The following AFF2 variants were observed in gnomAD, a reference collection of about 807,000 sequenced individuals.
The protein encoded by AFF2 is AF4/FMR2 family member 2.
AFF2 carries 14 observed loss-of-function variants against 76.9 expected under a neutral mutation model. That is an observed-to-expected ratio of 0.18 (90% CI 0.12 to 0.28). The LOEUF is 0.28. Ranked by LOEUF, AFF2 falls within the 10% of genes least tolerant of loss-of-function variation. AFF2 has a pLI of 1.00. For missense variants in AFF2, 868 were observed against 1,001.1 expected, an observed-to-expected ratio of 0.87 and a Z score of 1.79; for synonymous variants, 398 against 366.7, an observed-to-expected ratio of 1.09 and a Z score of -0.98.
In AFF2 at chrX:148,976,044, G is replaced by A. The variant is rs1267130863; in HGVS notation, c.3405-1889G>A. Among the ~76,000 whole-genome samples the A allele has an allele frequency of 2.8e-5, 3 of 105,612 alleles. No homozygotes were observed. The East Asian group carries it at 9.0e-4, about 32-fold the overall frequency. The allele number at this position is 105,612 out of a possible 115,157, so 91.7% of individuals were successfully genotyped here. The stretch of plus-strand genomic sequence containing the variant: ...AAGTAATTTTCTTTTAATTATTCAC[G>A]AAAAAGTTATTTAGGGAAAAAAACA... On this transcript the variant is annotated intron_variant, in intron 16 of 20. Transcript: ENST00000370460.
chrX:148,662,288 C>G lies in AFF2; in HGVS notation c.561C>G (p.Asp187Glu). The G allele has an allele frequency of 8.3e-7, 1 of 1,211,750 alleles. No individual in the cohort carries two copies. Among genetic ancestry groups the G allele is most frequent in the African/African-American group, 1.7e-5 (1 of 57,750 alleles). Reference protein sequence around the residue: ...QPNKMQTLTQDQSQAKLEDFF... With the variant: ...QPNKMQTLTQEQSQAKLEDFF... Reference sequence around the variant, plus strand: ...ACAAGATGCAGACTTTGACACAGGACCAGTCTCAAGCCAAACTGGAAGACT... The same window carrying G: ...ACAAGATGCAGACTTTGACACAGGAGCAGTCTCAAGCCAAACTGGAAGACT... The change falls in exon 3 of 21, where the codon GAC becomes GAG. Residue 187 changes from aspartate (D) to glutamate (E), a missense_variant. Asp to Glu is a conservative substitution (Grantham distance 45). Transcript: ENST00000370460.
At chrX:148,862,082 T>A (rs782533121) in intron 7 of AFF2, among the ~76,000 whole-genome samples, 1 of 111,129 alleles carries the variant, frequency 9.0e-6, no homozygotes, top group Admixed American at 9.6e-5. Flanking sequence ...AAACACTGCA[T>A]ACTCACTGAA....
intron 9 of AFF2, among the ~76,000 whole-genome samples, chrX:148,943,428 T>C (rs1557285821): frequency 8.9e-6 from 1 of 111,976 alleles, no homozygotes; most frequent in Non-Finnish European, 1.9e-5. Context: ...TGAGTCTTAT[T>C]GCTTTCTGAG....
intron 3 of AFF2, among the ~76,000 whole-genome samples, chrX:148,698,335 G>A (rs2054745839): frequency 8.9e-6 from 1 of 112,501 alleles, no homozygotes; most frequent in Non-Finnish European, 1.9e-5. Flanking sequence ...TTTTGATGCT[G>A]TATGCAGTTT....
intron 1 of AFF2, among the ~76,000 whole-genome samples, chrX:148,519,065 A>G (rs2124212381): frequency 8.9e-6 from 1 of 111,757 alleles, no homozygotes; most frequent in East Asian, 2.8e-4. Context: ...TGAGCTCAAC[A>G]ACTCCAGCGT....
At chrX:148,822,964 C>T (rs2070346351) in intron 4 of AFF2, among the ~76,000 whole-genome samples, 1 of 111,352 alleles carries the variant, frequency 9.0e-6, no homozygotes, top group African/African-American at 3.3e-5. Context: ...ATTGAACTCC[C>T]TTACTACTTC....
intron 7 of AFF2, among the ~76,000 whole-genome samples, chrX:148,871,362 G>C (rs16994788): frequency 0.041 from 4,536 of 111,058 alleles, 221 homozygotes; most frequent in African/African-American, 0.13. Flanking sequence ...ACCCGGCCTT[G>C]CGTAGACTCA....
At chrX:148,824,944 AG>A (rs2070370337) in intron 4 of AFF2, among the ~76,000 whole-genome samples, 1 of 110,702 alleles carries the variant, frequency 9.0e-6, no homozygotes, top group Admixed American at 9.6e-5. Flanking sequence ...AGGCTGAGGT[AG>A]GAGGATTGCT....
At position 148,956,378 on chromosome X, in the gene AFF2, T is replaced by A. The variant is rs1338222105; in HGVS notation, c.2333T>A (p.Phe778Tyr). The part of the protein sequence containing the change: ...NLSISNEEPT[F>Y]SPIPVMQTEI... Reference sequence around the variant, plus strand: ...TCCATCAGTAATGAAGAGCCAACATTTTCACCTATTCCTGTCATGCAAACT... The same window carrying A: ...TCCATCAGTAATGAAGAGCCAACATATTCACCTATTCCTGTCATGCAAACT... The change falls in exon 11 of 21, where the codon TTT becomes TAT. Residue 778 changes from phenylalanine to tyrosine, a missense_variant. Coordinates refer to ENST00000370460, the MANE Select transcript of AFF2 (RefSeq NM_002025.4). 1.2e-5 allele frequency: 15 copies of A among 1,209,499 alleles called. No individual in the cohort carries two copies. The highest frequency in any genetic ancestry group is 1.6e-5 in the Non-Finnish European group (14 of 895,099).
At chrX:148,944,536 A>C (rs1404943965) in intron 9 of AFF2, among the ~76,000 whole-genome samples, 6 of 75,679 alleles carry the variant, frequency 7.9e-5, no homozygotes, top group African/African-American at 2.2e-4. Flanking sequence ...AAAGGTACAA[A>C]AATACTTGGC....
chrX:148,799,555 G>GA (rs2124631752), intron 3 of AFF2, among the ~76,000 whole-genome samples: 1 of 111,786 alleles, frequency 8.9e-6, no homozygotes, highest in Admixed American at 9.5e-5. Context: ...GAGAAGAAAA[G>GA]AAAATCACAT....
chrX:148,631,902 A>T (rs1205662033), intron 1 of AFF2, among the ~76,000 whole-genome samples: 1 of 111,966 alleles, frequency 8.9e-6, no homozygotes, highest in Admixed American at 9.5e-5. Context: ...GATATGTGCA[A>T]GGTTGCCAGG....
chrX:148,632,466 C>T (rs1037020099), intron 1 of AFF2, among the ~76,000 whole-genome samples: 7 of 111,611 alleles, frequency 6.3e-5, no homozygotes, highest in Non-Finnish European at 7.5e-5. Context: ...GAGACTGAGG[C>T]AGCCCAAGCA....
chrX:148,713,648 A>AT (rs1397960690), intron 3 of AFF2, among the ~76,000 whole-genome samples: 1 of 112,097 alleles, frequency 8.9e-6, no homozygotes, highest in Non-Finnish European at 1.9e-5. Context: ...AGGCATCTCT[A>AT]TCTCTTCTAT....
intron 19 of AFF2, among the ~76,000 whole-genome samples, chrX:148,985,309 T>TTTTTTTTTTTTTTTTTTTTC (rs2072455914): frequency 1.4e-5 from 1 of 73,796 alleles, no homozygotes; most frequent in African/African-American, 5.0e-5. Flanking sequence ...TTTTTTTTTT[T>TTTTTTTTTTTTTTTTTTTTC]TTTTTTTTTT....
intron 3 of AFF2, among the ~76,000 whole-genome samples, chrX:148,801,061 A>G (rs1557270866): frequency 1.8e-5 from 2 of 111,738 alleles, no homozygotes; most frequent in South Asian, 7.6e-4. Context: ...GCTTAATTTC[A>G]TCTGGCCTTC....
intron 3 of AFF2, among the ~76,000 whole-genome samples, chrX:148,707,957 A>G (rs1420976551): frequency 3.6e-5 from 4 of 112,013 alleles, no homozygotes; most frequent in African/African-American, 1.3e-4. Context: ...AGAACTGCAA[A>G]TGATTCATCA....
At chrX:148,563,240 C>T (rs1284971119) in intron 1 of AFF2, among the ~76,000 whole-genome samples, 7 of 111,986 alleles carry the variant, frequency 6.3e-5, no homozygotes, top group African/African-American at 2.3e-4. Flanking sequence ...CTTCAAAGGG[C>T]CAGATAAGCA....
chrX:148,907,645 C>T (rs2071422514), intron 9 of AFF2, among the ~76,000 whole-genome samples: 1 of 111,518 alleles, frequency 9.0e-6, no homozygotes, highest in Non-Finnish European at 1.9e-5. Flanking sequence ...ACAGAGATCA[C>T]ATGCTTCACA....
Sources: gnomAD v4.1 joint callset for allele counts (sites outside exome capture counted in the v4.1 genomes callset) on GRCh38, gnomAD v4.1.1 for gene constraint, MANE v1.5 for transcripts, NCBI Gene and HGNC (gene_info 2026-07-23, HGNC 2026-07-21) for gene names.